RARA: variants seen among roughly 807,000 people sequenced by gnomAD.
The protein encoded by RARA is PML-DDX5-RARA fusion.
A neutral mutation model predicts 42.8 loss-of-function variants in RARA; 5 were observed. That is an observed-to-expected ratio of 0.12 (90% CI 0.06 to 0.25). The LOEUF (loss-of-function observed/expected upper bound fraction) is 0.25. Ranked by LOEUF, RARA falls within the 10% of genes least tolerant of loss-of-function variation. The pLI is 1.00. For synonymous variants in RARA, 256 were observed against 259.5 expected, an observed-to-expected ratio of 0.99 and a Z score of 0.13; for missense variants, 402 against 628.7, an observed-to-expected ratio of 0.64 and a Z score of 3.86.
chr17:40,329,609 C>T (rs752679693), intron 1 of RARA, among the ~76,000 whole-genome samples: 14 of 152,028 alleles, frequency 9.2e-5, no homozygotes, highest in Non-Finnish European at 1.9e-4. Flanking sequence ...TGTGAGCCAC[C>T]GCACCCAACT....
chr17:40,332,342 C>T (rs933207209), intron 2 of RARA, among the ~76,000 whole-genome samples: 2 of 152,158 alleles, frequency 1.3e-5, no homozygotes, highest in African/African-American at 4.8e-5. Flanking sequence ...TGGTCAGCTG[C>T]TGACCTGGGA....
At chr17:40,330,772 G>A (rs895045298) in intron 1 of RARA, 85 bp from the exon 2 acceptor site, 67 of 212,118 alleles carry the variant, frequency 3.2e-4, no homozygotes, top group African/African-American at 1.4e-3. Flanking sequence ...GAAAATCTCC[G>A]GCAGCCCAGG....
Position 40,356,646 on chromosome 17 carries a change from G to T in RARA, c.*420G>T, listed in dbSNP as rs370334154. ...GGAACCTCAACCTCCCCCCTGCCTC[G>T]GTTGGTGACAGAGGGGGTGGGACAG... On this transcript the variant is annotated 3_prime_UTR_variant, in exon 9 of 9. Coordinates refer to ENST00000254066, the MANE Select transcript of RARA (RefSeq NM_000964.4). 4.5e-5 allele frequency: 24 copies of T among 539,070 alleles called. No homozygotes were observed. The East Asian group carries it at 8.1e-4, about 18-fold the overall frequency. 33.4% of individuals were successfully genotyped at this position (539,070 alleles called of 1,614,324 possible).
chr17:40,351,873 C>T lies in RARA; in HGVS notation c.470-37C>T, dbSNP rs1488787869. 3 of 1,589,506 alleles carry T rather than the reference C, an allele frequency of 1.9e-6. No individual in the cohort carries two copies. Among genetic ancestry groups the T allele is most frequent in the Non-Finnish European group, 2.6e-6 (3 of 1,173,470 alleles). ...GGGGGTGGACGAGGCCCTGAGCAGCCTGCAGCTGCCCTCTTAACCCCCTCT... is the reference window on the plus strand; with the variant it reads ...GGGGGTGGACGAGGCCCTGAGCAGCTTGCAGCTGCCCTCTTAACCCCCTCT... On this transcript the variant is annotated intron_variant, in intron 4 of 8. Coordinates refer to ENST00000254066, the MANE Select transcript of RARA (RefSeq NM_000964.4). The surrounding 1 kb of genome is among the most constrained non-coding windows in gnomAD (Gnocchi z 4.1).
intron 1 of RARA, among the ~76,000 whole-genome samples, chr17:40,327,761 A>G (rs1056501330): frequency 6.6e-6 from 1 of 152,026 alleles, no homozygotes. Flanking sequence ...TTGTATGTGT[A>G]TTTGTGTGTG....
intron 2 of RARA, among the ~76,000 whole-genome samples, chr17:40,338,041 T>G (rs1174706899): frequency 1.3e-5 from 2 of 152,210 alleles, no homozygotes; most frequent in African/African-American, 4.8e-5. Flanking sequence ...CCCTCACCTT[T>G]TATCTCCCAG....
chr17:40,339,635 T>C (rs1252328628), intron 2 of RARA, among the ~76,000 whole-genome samples: 4 of 152,194 alleles, frequency 2.6e-5, no homozygotes, highest in Non-Finnish European at 1.5e-5. Flanking sequence ...CCAGAAATCT[T>C]CACAGATGTT....
At position 40,356,676 on chromosome 17, in the gene RARA, G is replaced by C. The variant is rs553845872; in HGVS notation, c.*450G>C. 70 of 539,074 alleles carry C rather than the reference G, an allele frequency of 1.3e-4. 1 individual carries two copies. Among genetic ancestry groups the C allele is most frequent in the East Asian group, 1.2e-3 (32 of 25,970 alleles). The allele number at this position is 539,074 out of a possible 1,614,324, so 33.4% of individuals were successfully genotyped here. A position where few individuals can be genotyped will look rare whatever the true frequency, so the allele number is the denominator to read the frequency against. On this transcript the variant is annotated 3_prime_UTR_variant, in exon 9 of 9. Transcript: ENST00000254066. ...GTGACAGAGGGGGTGGGACAGGGGC[G>C]GGGGGTTCCCCCTGTACATACCCTG...
chr17:40,312,595 G>A (rs1057308135), intron 1 of RARA, among the ~76,000 whole-genome samples: 1 of 152,356 alleles, frequency 6.6e-6, no homozygotes, highest in Admixed American at 6.5e-5. Context: ...AGAGGAGTGA[G>A]GAAGGGCCAG....
intron 2 of RARA, chr17:40,342,846 C>G (rs748005142): frequency 6.2e-7 from 1 of 1,612,956 alleles, no homozygotes; most frequent in Non-Finnish European, 8.5e-7. Context: ...CCGGACTCCG[C>G]TTTGGAATGG....
rs2034621276 is a variant in RARA at position 40,356,175 on chromosome 17, C to T, written c.1338C>T (p.Pro446=). ...GLAPPPGSCS[P]SLSPSSNRSS... Reference sequence around the variant, plus strand: ...CCCCCCCGCCAGGCAGCTGTAGCCCCAGCCTCAGCCCCAGCTCCAACAGAA... The same window carrying T: ...CCCCCCCGCCAGGCAGCTGTAGCCCTAGCCTCAGCCCCAGCTCCAACAGAA... Residue 446 remains proline, a synonymous_variant, in exon 9 of 9, where the codon CCC becomes CCT. Coordinates refer to ENST00000254066, the MANE Select transcript of RARA (RefSeq NM_000964.4). The T allele has an allele frequency of 1.3e-6, 2 of 1,551,054 alleles. No individual in the cohort carries two copies. The highest frequency in any genetic ancestry group is 2.7e-5 in the African/African-American group (2 of 73,228).
intron 1 of RARA, among the ~76,000 whole-genome samples, chr17:40,312,309 C>T (rs1389847673): frequency 6.6e-6 from 1 of 152,182 alleles, no homozygotes; most frequent in Admixed American, 6.5e-5. Context: ...TATGGGCAGG[C>T]CTCCCCCTAG....
Position 40,345,692 on chromosome 17 carries a change from A to G in RARA, c.179-2624A>G, listed in dbSNP as rs747580397. Among the ~76,000 whole-genome samples the G allele has an allele frequency of 3.3e-5, 5 of 152,076 alleles. No homozygotes were observed. Among genetic ancestry groups the G allele is most frequent in the Non-Finnish European group, 5.9e-5 (4 of 68,002 alleles). On this transcript the variant is annotated intron_variant, in intron 2 of 8. Transcript: ENST00000254066. The surrounding 1 kb of genome is among the most constrained non-coding windows in gnomAD (Gnocchi z 4.8). ...GAGTCCTTCTGCAGGAAGAGGAGAG[A>G]TTGGTGGGCTGGGCCTCTGGGGAGG... is the stretch of plus-strand genomic sequence containing the variant.
chr17:40,347,004 G>C (rs530645929), intron 2 of RARA, among the ~76,000 whole-genome samples: 1 of 152,232 alleles, frequency 6.6e-6, no homozygotes, highest in Non-Finnish European at 1.5e-5. Flanking sequence ...TGCAGGTAAG[G>C]GGGGAGGGTG....
intron 4 of RARA, among the ~76,000 whole-genome samples, chr17:40,350,733 T>C (rs1019187682): frequency 2.6e-5 from 4 of 151,916 alleles, no homozygotes; most frequent in African/African-American, 9.7e-5. Context: ...TGGTTCTGAC[T>C]GTTGCACGAA....
At chr17:40,342,005 T>A (rs1477551291) in intron 2 of RARA, 33 of 1,089,404 alleles carry the variant, frequency 3.0e-5, no homozygotes, top group Non-Finnish European at 3.6e-5. Flanking sequence ...CCTGTCCACA[T>A]GCCGCCTCTC....
At position 40,354,618 on chromosome 17, in the gene RARA, G is replaced by T. The variant is rs1030134579; in HGVS notation, c.1012+112G>T. ...CTGTTAGGTATCTCTAGAGGGCAGG[G>T]TCTGGTCTGCAACTACACAGCAAGG... is the stretch of plus-strand genomic sequence containing the variant. On this transcript the variant is annotated intron_variant, in intron 7 of 8. Coordinates refer to ENST00000254066, the MANE Select transcript of RARA (RefSeq NM_000964.4). The surrounding 1 kb of genome is among the most constrained non-coding windows in gnomAD (Gnocchi z 4.5). The T allele has an allele frequency of 3.0e-5, 39 of 1,306,168 alleles. No individual in the cohort carries two copies. The highest frequency in any genetic ancestry group is 4.4e-5 in the African/African-American group (3 of 68,026). The allele number at this position is 1,306,168 out of a possible 1,614,324, so 80.9% of individuals were successfully genotyped here. A position where few individuals can be genotyped will look rare whatever the true frequency, so the allele number is the denominator to read the frequency against.
intron 2 of RARA, among the ~76,000 whole-genome samples, chr17:40,333,336 A>C (rs1220877575): frequency 1.4e-5 from 2 of 146,988 alleles, no homozygotes; most frequent in African/African-American, 2.5e-5. Context: ...GCATGAGCCA[A>C]CGCGCCTGGC....
At chr17:40,348,821 G>A in intron 3 of RARA, 1 of 190,414 alleles carries the variant, frequency 5.3e-6, no homozygotes, top group Non-Finnish European at 1.1e-5. Context: ...CGGCGGCCCT[G>A]CCTGAACCTC....
Sources: gnomAD v4.1 joint callset for allele counts (sites outside exome capture counted in the v4.1 genomes callset) on GRCh38, gnomAD v4.1.1 for gene constraint, Gnocchi (gnomAD v3.1) non-coding constraint, MANE v1.5 for transcripts, NCBI Gene and HGNC (gene_info 2026-07-23, HGNC 2026-07-21) for gene names.